GPBP1: variants seen among roughly 807,000 people sequenced by gnomAD.
GPBP1 encodes vasculin.
Under a neutral mutation model 56.5 loss-of-function variants are expected in GPBP1, and 13 were observed. The ratio of observed to expected loss-of-function variants is 0.23; its 90% CI spans 0.15 to 0.37. GPBP1 has a LOEUF of 0.37. Among genes scored for constraint, GPBP1 ranks in the 10% least tolerant of loss-of-function variants. GPBP1 has a pLI of 1.00. For missense variants in GPBP1, 477 were observed against 572.3 expected (o/e 0.83, Z 1.70); for synonymous variants, 204 against 188.9 (o/e 1.08, Z -0.66).
In GPBP1 at chr5:57,246,352, A is replaced by G. The variant is rs778983113; in HGVS notation, c.531A>G (p.Lys177=). 2 of 1,613,852 alleles carry G rather than the reference A, an allele frequency of 1.2e-6. No homozygotes were observed. The highest frequency in any genetic ancestry group is 1.7e-6 in the Non-Finnish European group (2 of 1,179,768). ...CTCCAAGGATGCTGGTCATTAAGAA[A>G]GGTAATACAAAAGACTTACAGCTAT... ...SRAPRMLVIK[K]GNTKDLQLSG... The change falls in exon 7 of 12, where the codon AAA becomes AAG. Residue 177 remains lysine, a synonymous_variant. Transcript: ENST00000506184.
intron 10 of GPBP1, among the ~76,000 whole-genome samples, chr5:57,253,156 G>A (rs1156232316): frequency 5.3e-5 from 8 of 152,076 alleles, no homozygotes; most frequent in African/African-American, 1.5e-4. Context: ...TTAAAAGCAG[G>A]TATTTTTGCA....
chr5:57,219,393 A>C lies in GPBP1; in HGVS notation c.63+5200A>C, dbSNP rs1450451539. 6.0e-3 allele frequency among the ~76,000 whole-genome samples: 378 copies of C among 63,024 alleles called. 9 individuals are homozygous for C. Among genetic ancestry groups the C allele is most frequent in the Middle Eastern group, 0.015 (2 of 132 alleles). 41.3% of individuals were successfully genotyped at this position (63,024 alleles called of 152,430 possible). A position where few individuals can be genotyped will look rare whatever the true frequency, so the allele number is the denominator to read the frequency against. ...TCTGTCTCAAAAAAAAAAAAAAAAAAAAAAAAAAAACCAAAAACAAACAAA... is the reference window on the plus strand; with the variant it reads ...TCTGTCTCAAAAAAAAAAAAAAAAACAAAAAAAAAACCAAAAACAAACAAA... On this transcript the variant is annotated intron_variant, in intron 3 of 11. Transcript: ENST00000506184.
intron 2 of GPBP1, among the ~76,000 whole-genome samples, chr5:57,208,346 G>A (rs908936197): frequency 6.6e-6 from 1 of 151,578 alleles, no homozygotes; most frequent in Non-Finnish European, 1.5e-5. Context: ...CAATCCTTCC[G>A]CCTCAGTGTC....
rs1479261475 is a variant in GPBP1 at position 57,231,174 on chromosome 5, T to G, written c.264T>G (p.Gly88=). Reference sequence around the variant, plus strand: ...GTACAGAAAACATAAATCATCGAGGTGGATACCATGGTGGAAGTTCCCGTT... The same window carrying G: ...GTACAGAAAACATAAATCATCGAGGGGGATACCATGGTGGAAGTTCCCGTT... ...RNGTENINHR[G]GYHGGSSRSR... Residue 88 remains glycine (G), a synonymous_variant, in exon 5 of 12, where the codon GGT becomes GGG. Transcript: ENST00000506184. 1 of 1,614,074 alleles carries G rather than the reference T, an allele frequency of 6.2e-7. No homozygotes were observed. Among genetic ancestry groups the G allele is most frequent in the Non-Finnish European group, 8.5e-7 (1 of 1,180,000 alleles).
intron 1 of GPBP1, among the ~76,000 whole-genome samples, 191 bp from the exon 2 acceptor site, chr5:57,175,256 TC>T (rs1309892094): frequency 6.6e-6 from 1 of 152,186 alleles, no homozygotes; most frequent in Non-Finnish European, 1.5e-5. Context: ...TTTCCCTCCC[TC>T]TACTCCGATG....
chr5:57,214,200 T>C lies in GPBP1; in HGVS notation c.63+7T>C. 1 of 1,596,898 alleles carries C rather than the reference T, an allele frequency of 6.3e-7. No homozygotes were observed. The highest frequency in any genetic ancestry group is 8.6e-7 in the Non-Finnish European group (1 of 1,164,266). On this transcript the variant is annotated splice_region_variant and intron_variant, in intron 3 of 11. Coordinates refer to ENST00000506184, the MANE Select transcript of GPBP1 (RefSeq NM_022913.4). Reference sequence around the variant, plus strand: ...TCCACCATCATCAACAAAGGTACTCTTTCTGCATCTTTCTTTCTGTCTGCT... The same window carrying C: ...TCCACCATCATCAACAAAGGTACTCCTTCTGCATCTTTCTTTCTGTCTGCT...
intron 2 of GPBP1, among the ~76,000 whole-genome samples, chr5:57,181,646 C>T (rs1173389633): frequency 6.6e-6 from 1 of 152,072 alleles, no homozygotes; most frequent in Non-Finnish European, 1.5e-5. Flanking sequence ...TCTTTTCAAA[C>T]TCCTGACCTC....
At chr5:57,262,347 A>C (rs1554078630) in intron 11 of GPBP1, among the ~76,000 whole-genome samples, 1 of 152,196 alleles carries the variant, frequency 6.6e-6, no homozygotes, top group Non-Finnish European at 1.5e-5. Flanking sequence ...TATTCTGGTA[A>C]GTCCCTGAAG....
chr5:57,245,944 T>A lies in GPBP1; in HGVS notation c.479-356T>A, dbSNP rs183074405. 12 of 161,364 alleles carry A rather than the reference T, an allele frequency of 7.4e-5. No individual in the cohort carries two copies. In the East Asian group the frequency reaches 2.1e-3, roughly 28 times the overall value. The allele number at this position is 161,364 out of a possible 1,614,324, so 10.0% of individuals were successfully genotyped here. Reference sequence around the variant, plus strand: ...TGGGGAAGGGAAAATAGAAATGTATTTTATATTCTAAATCTTAAGAGTCAT... The same window carrying A: ...TGGGGAAGGGAAAATAGAAATGTATATTATATTCTAAATCTTAAGAGTCAT... On this transcript the variant is annotated intron_variant, in intron 6 of 11. Coordinates refer to ENST00000506184, the MANE Select transcript of GPBP1 (RefSeq NM_022913.4).
At position 57,219,389 on chromosome 5, in the gene GPBP1, A is replaced by C. The variant is rs896986526; in HGVS notation, c.63+5196A>C. On this transcript the variant is annotated intron_variant, in intron 3 of 11. Transcript: ENST00000506184. ...AGACTCTGTCTCAAAAAAAAAAAAA[A>C]AAAAAAAAAAAAAACCAAAAACAAA... Among the ~76,000 whole-genome samples the C allele has an allele frequency of 6.2e-4, 35 of 56,880 alleles. 2 individuals carry two copies. In the East Asian group the frequency reaches 6.4e-3, roughly 10 times the overall value. 37.3% of individuals were successfully genotyped at this position (56,880 alleles called of 152,430 possible).
chr5:57,200,718 G>A (rs552852417), intron 2 of GPBP1, among the ~76,000 whole-genome samples: 2 of 152,032 alleles, frequency 1.3e-5, no homozygotes, highest in South Asian at 2.1e-4. Flanking sequence ...GATACACTCC[G>A]TTGCCCAGGC....
chr5:57,237,590 T>A (rs567515586), intron 6 of GPBP1: 5 of 167,178 alleles, frequency 3.0e-5, no homozygotes, highest in Non-Finnish European at 6.6e-5. Context: ...AGAAAATGGT[T>A]AATTGTGGAA....
At chr5:57,179,786 C>T (rs1291552694) in intron 2 of GPBP1, among the ~76,000 whole-genome samples, 5 of 152,094 alleles carry the variant, frequency 3.3e-5, no homozygotes, top group East Asian at 1.9e-4. Flanking sequence ...TTTTAGAAGA[C>T]GGGATTTCAC....
intron 10 of GPBP1, among the ~76,000 whole-genome samples, chr5:57,259,538 C>T (rs1741802576): frequency 6.6e-6 from 1 of 152,172 alleles, no homozygotes; most frequent in South Asian, 2.1e-4. Flanking sequence ...TAGACCATCC[C>T]TGAAGAACTG....
At chr5:57,219,398 A>AAAAAAAAAAAAC (rs1755838614) in intron 3 of GPBP1, among the ~76,000 whole-genome samples, 3 of 69,772 alleles carry the variant, frequency 4.3e-5, no homozygotes, top group Admixed American at 1.8e-4. Flanking sequence ...AAAAAAAAAA[A>AAAAAAAAAAAAC]AAAAACCAAA....
intron 2 of GPBP1, among the ~76,000 whole-genome samples, chr5:57,194,562 A>G (rs186597161): frequency 1.2e-3 from 180 of 152,276 alleles, no homozygotes; most frequent in African/African-American, 3.9e-3. Context: ...ATCTTGAAAT[A>G]TATAATTATT....
chr5:57,229,977 C>CAGG (rs3080749), intron 3 of GPBP1, among the ~76,000 whole-genome samples: 4,551 of 151,472 alleles, frequency 0.03, 249 homozygotes, highest in African/African-American at 0.1. Flanking sequence ...CGTCCCTTCT[C>CAGG]ACATGCAATG....
chr5:57,185,671 G>A (rs772944821), intron 2 of GPBP1, among the ~76,000 whole-genome samples: 13 of 151,934 alleles, frequency 8.6e-5, no homozygotes, highest in Non-Finnish European at 1.6e-4. Context: ...GTGTGTTTTG[G>A]TGAAGTGTCT....
At chr5:57,234,221 C>A (rs1298024792) in intron 5 of GPBP1, among the ~76,000 whole-genome samples, 1 of 151,952 alleles carries the variant, frequency 6.6e-6, no homozygotes, top group African/African-American at 2.4e-5. Context: ...ATATTAAGTA[C>A]CTTCTTTAAA....
Sources: allele counts gnomAD v4.1 joint callset (sites outside exome capture counted in the v4.1 genomes callset), GRCh38; gene constraint gnomAD v4.1.1; transcripts MANE v1.5; gene names NCBI Gene and HGNC (gene_info 2026-07-23, HGNC 2026-07-21).